The following ALDH1A2 variants were observed in gnomAD, a reference collection of about 807,000 sequenced individuals.
ALDH1A2 encodes the protein aldehyde dehydrogenase 1 family member A2, also known as retinal dehydrogenase 2.
In ALDH1A2, 27 loss-of-function variants were observed where a neutral mutation model predicts 60.3. The ratio of observed to expected loss-of-function variants is 0.45; its 90% CI spans 0.33 to 0.62. ALDH1A2 has a LOEUF of 0.62. ALDH1A2 is among the 20% of genes least tolerant of loss of function. ALDH1A2 has a pLI of 0.02. For synonymous variants in ALDH1A2, 289 were observed against 232.4 expected, an observed-to-expected ratio of 1.24 and a Z score of -2.21; for missense variants, 581 against 643.8, an observed-to-expected ratio of 0.90 and a Z score of 1.06.
intron 1 of ALDH1A2, among the ~76,000 whole-genome samples, chr15:58,035,233 CAA>C (rs372470098): frequency 9.9e-5 from 15 of 151,756 alleles, no homozygotes; most frequent in African/African-American, 3.4e-4. Context: ...AATTTGTGGG[CAA>C]AGAGTTGTGT....
At chr15:58,043,920 T>C (rs999979437) in intron 1 of ALDH1A2, among the ~76,000 whole-genome samples, 34 of 151,990 alleles carry the variant, frequency 2.2e-4, no homozygotes, top group Admixed American at 8.5e-4. Context: ...GTCTTAGATA[T>C]AATCTCTGCA....
At position 58,027,356 on chromosome 15, in the gene ALDH1A2, A is replaced by G. The variant is rs183686495; in HGVS notation, c.118-13075T>C. ...AAAGGAATAGCATCAACATCAACAA[A>G]AACGACATCCACACCAAAACCCCAT... On this transcript the variant is annotated intron_variant, in intron 1 of 12. Coordinates refer to ENST00000249750, the MANE Select transcript of ALDH1A2 (RefSeq NM_003888.4). Among the ~76,000 whole-genome samples, 249 of 152,174 alleles carry G rather than the reference A, an allele frequency of 1.6e-3. 1 individual carries two copies. The highest frequency in any genetic ancestry group is 0.011 in the Admixed American group (162 of 15,292).
chr15:58,028,797 C>CA (rs1454212762), intron 1 of ALDH1A2, among the ~76,000 whole-genome samples: 1 of 151,964 alleles, frequency 6.6e-6, no homozygotes, highest in South Asian at 2.1e-4. Context: ...TCAAAAGAGA[C>CA]AAAAAAGGCC....
At chr15:57,961,621 G>A (rs537059894) in intron 10 of ALDH1A2, among the ~76,000 whole-genome samples, 10 of 152,314 alleles carry the variant, frequency 6.6e-5, no homozygotes, top group African/African-American at 2.4e-4. Context: ...GCTCTGGACT[G>A]TGGGCTGATT....
intron 1 of ALDH1A2, among the ~76,000 whole-genome samples, chr15:58,022,438 C>T (rs1895954199): frequency 6.6e-6 from 1 of 152,094 alleles, no homozygotes; most frequent in Non-Finnish European, 1.5e-5. Flanking sequence ...GAGGATCATC[C>T]TACTACTGCT....
intron 1 of ALDH1A2, among the ~76,000 whole-genome samples, chr15:58,064,574 A>G (rs1897123853): frequency 6.6e-6 from 1 of 152,188 alleles, no homozygotes; most frequent in African/African-American, 2.4e-5. Flanking sequence ...GTTAATTGGG[A>G]GAAGTTGAGT....
chr15:58,034,028 C>T (rs1181059752), intron 1 of ALDH1A2, among the ~76,000 whole-genome samples: 1 of 151,510 alleles, frequency 6.6e-6, no homozygotes, highest in African/African-American at 2.4e-5. Flanking sequence ...TACAAAATAA[C>T]TTACTAGGAT....
chr15:57,972,196 C>A (rs563775611), intron 7 of ALDH1A2, among the ~76,000 whole-genome samples: 2 of 152,274 alleles, frequency 1.3e-5, no homozygotes, highest in African/African-American at 2.4e-5. Context: ...TGCAAACAGG[C>A]ACCCACTGAG....
intron 7 of ALDH1A2, among the ~76,000 whole-genome samples, chr15:57,991,835 G>A (rs1373708760): frequency 6.6e-6 from 1 of 152,106 alleles, no homozygotes; most frequent in Non-Finnish European, 1.5e-5. Flanking sequence ...GTTCAATGAT[G>A]ATATCATCTG....
chr15:58,003,701 GGTT>G (rs1895352391), intron 4 of ALDH1A2, among the ~76,000 whole-genome samples: 1 of 151,858 alleles, frequency 6.6e-6, no homozygotes, highest in Admixed American at 6.6e-5. Flanking sequence ...ATCACAAAGA[GGTT>G]GTAGACGTGA....
chr15:57,995,223 A>G, intron 4 of ALDH1A2, 84 bp from the exon 5 acceptor site: 1 of 777,476 alleles, frequency 1.3e-6, no homozygotes, highest in Non-Finnish European at 2.1e-6. Flanking sequence ...GCTGCAAAAA[A>G]AAAAAAAAAA....
At chr15:58,000,346 A>C (rs1196243956) in intron 4 of ALDH1A2, among the ~76,000 whole-genome samples, 2 of 151,918 alleles carry the variant, frequency 1.3e-5, no homozygotes, top group African/African-American at 2.4e-5. Flanking sequence ...GGCTAACAGC[A>C]CCCCAGAAGT....
intron 7 of ALDH1A2, chr15:57,980,048 G>A: frequency 3.1e-6 from 1 of 324,826 alleles, no homozygotes; most frequent in South Asian, 3.4e-5. Flanking sequence ...TGGTCCATGG[G>A]GGGGCAGGAT....
chr15:58,039,257 T>C (rs1311282005), intron 1 of ALDH1A2, among the ~76,000 whole-genome samples: 1 of 151,764 alleles, frequency 6.6e-6, no homozygotes, highest in Non-Finnish European at 1.5e-5. Flanking sequence ...ATTAGTTTTT[T>C]TTTTCTCCTT....
intron 1 of ALDH1A2, among the ~76,000 whole-genome samples, chr15:58,017,637 T>C (rs1309544725): frequency 6.6e-6 from 1 of 152,150 alleles, no homozygotes; most frequent in Non-Finnish European, 1.5e-5. Flanking sequence ...TCTAGGTTCA[T>C]ATACGACAGC....
intron 12 of ALDH1A2, among the ~76,000 whole-genome samples, chr15:57,958,145 T>C (rs1161800015): frequency 2.0e-5 from 3 of 152,118 alleles, no homozygotes; most frequent in Non-Finnish European, 4.4e-5. Context: ...GGTCCCTAGA[T>C]ACGCATGCTT....
At chr15:57,958,893 T>C (rs1893630736) in intron 12 of ALDH1A2, among the ~76,000 whole-genome samples, 1 of 152,166 alleles carries the variant, frequency 6.6e-6, no homozygotes, top group Non-Finnish European at 1.5e-5. Context: ...TTCCTAATTA[T>C]TTTTTAACTG....
At position 58,014,227 on chromosome 15, in the gene ALDH1A2, A is replaced by G. The variant is rs753181767; in HGVS notation, c.172T>C (p.Tyr58His). 3 of 1,614,142 alleles carry G rather than the reference A, an allele frequency of 1.9e-6. No homozygotes were observed. Among genetic ancestry groups the G allele is most frequent in the Middle Eastern group, 1.7e-4 (1 of 6,060 alleles). Residue 58 changes from tyrosine to histidine, a missense_variant, in exon 2 of 13, where the codon TAT becomes CAT. Tyr to His is a moderately conservative substitution (Grantham distance 83, BLOSUM62 2). Transcript: ENST00000249750. ...ACCTGTTCTCCTGTGGCTGGATTATAGACAGGGAACACTCTCCCACTCTCT... is the reference window on the plus strand; with the variant it reads ...ACCTGTTCTCCTGTGGCTGGATTATGGACAGGGAACACTCTCCCACTCTCT... The part of the protein sequence containing the change: ...NSESGRVFPV[Y>H]NPATGEQVCE...
chr15:57,996,563 G>C (rs1895072369), intron 4 of ALDH1A2, among the ~76,000 whole-genome samples: 1 of 148,614 alleles, frequency 6.7e-6, no homozygotes, highest in South Asian at 2.1e-4. Context: ...GTTATTCCAT[G>C]GGCTCAATAA....
Sources: gnomAD v4.1 joint callset for allele counts (sites outside exome capture counted in the v4.1 genomes callset) on GRCh38, gnomAD v4.1.1 for gene constraint, MANE v1.5 for transcripts, NCBI Gene and HGNC (gene_info 2026-07-23, HGNC 2026-07-21) for gene names.